GALNTL6: variants seen among roughly 807,000 people sequenced by gnomAD.
GALNTL6 encodes the protein polypeptide N-acetylgalactosaminyltransferase like 6.
In GALNTL6, 46 loss-of-function variants were observed where a neutral mutation model predicts 73.7. The observed-to-expected ratio is 0.62, with a 90% CI of 0.49 to 0.80. The LOEUF is 0.80. GALNTL6 is among the 30% of genes least tolerant of loss of function. The pLI, the probability that GALNTL6 is intolerant of heterozygous loss-of-function variation, is 0.00. For synonymous variants in GALNTL6, 259 were observed against 263.7 expected, an observed-to-expected ratio of 0.98 and a Z score of 0.17; for missense variants, 604 against 755.0, an observed-to-expected ratio of 0.80 and a Z score of 2.34.
Position 172,077,535 on chromosome 4 carries a change from A to T in GALNTL6, c.139-152121A>T, listed in dbSNP as rs187115089. 7.0e-4 allele frequency among the ~76,000 whole-genome samples: 106 copies of T among 152,252 alleles called. 2 individuals are homozygous for T. The highest frequency in any genetic ancestry group is 1.9e-3 in the South Asian group (9 of 4,830). ...TTGAGAGAGATGATTTAGGGTATTT[A>T]ACAGAAGAAATTTCTAAGCAGCAAA... is the stretch of plus-strand genomic sequence containing the variant. On this transcript the variant is annotated intron_variant, in intron 2 of 12. Coordinates refer to ENST00000506823, the MANE Select transcript of GALNTL6 (RefSeq NM_001034845.3).
chr4:172,059,442 T>A (rs1731126243), intron 2 of GALNTL6, among the ~76,000 whole-genome samples: 1 of 152,162 alleles, frequency 6.6e-6, no homozygotes, highest in Admixed American at 6.5e-5. Flanking sequence ...AATCTCAAAA[T>A]GACACAGAGA....
At chr4:171,986,092 C>CGCCA (rs1448766033) in intron 2 of GALNTL6, among the ~76,000 whole-genome samples, 1 of 148,062 alleles carries the variant, frequency 6.8e-6, no homozygotes, top group African/African-American at 2.5e-5. Flanking sequence ...GTATCTTTGG[C>CGCCA]ACATATGATA....
At chr4:173,021,276 A>T (rs1214767003) in intron 11 of GALNTL6, among the ~76,000 whole-genome samples, 200 bp from the exon 12 acceptor site, 1 of 151,990 alleles carries the variant, frequency 6.6e-6, no homozygotes, top group Non-Finnish European at 1.5e-5. Context: ...GGCAGCCTGG[A>T]CCAAAAGTGC....
chr4:172,357,755 G>T (rs971692539), intron 5 of GALNTL6, among the ~76,000 whole-genome samples: 1 of 151,656 alleles, frequency 6.6e-6, no homozygotes. Flanking sequence ...GTTCTGTAAA[G>T]AACTGCTTAA....
Position 172,069,366 on chromosome 4 carries a change from T to A in GALNTL6, c.139-160290T>A, listed in dbSNP as rs560044897. On this transcript the variant is annotated intron_variant, in intron 2 of 12. Coordinates refer to ENST00000506823, the MANE Select transcript of GALNTL6 (RefSeq NM_001034845.3). ...ACAAATCAATTATAAATATATGTAG[T>A]GTGTATATATATGTGTGTGTACATA... Among the ~76,000 whole-genome samples, 10 of 98,148 alleles carry A rather than the reference T, an allele frequency of 1.0e-4. 4 individuals carry two copies. The highest frequency in any genetic ancestry group is 1.7e-4 in the Non-Finnish European group (8 of 45,756). 64.4% of individuals were successfully genotyped at this position (98,148 alleles called of 152,430 possible).
At chr4:172,887,007 C>A (rs1018952557) in intron 8 of GALNTL6, among the ~76,000 whole-genome samples, 4 of 152,060 alleles carry the variant, frequency 2.6e-5, no homozygotes, top group African/African-American at 9.7e-5. Flanking sequence ...TTGTAGTGAT[C>A]AGTGACTTTT....
At chr4:172,959,364 G>C (rs1436517149) in intron 10 of GALNTL6, among the ~76,000 whole-genome samples, 1 of 151,964 alleles carries the variant, frequency 6.6e-6, no homozygotes, top group Admixed American at 6.6e-5. Flanking sequence ...TGGGCAGGTG[G>C]GGATAACTAA....
intron 8 of GALNTL6, among the ~76,000 whole-genome samples, chr4:172,918,198 T>C (rs1579652527): frequency 6.6e-6 from 1 of 151,902 alleles, no homozygotes; most frequent in Non-Finnish European, 1.5e-5. Flanking sequence ...ATGAGAACAC[T>C]TGGACACAGA....
chr4:172,793,688 A>G (rs1740115625), intron 5 of GALNTL6, among the ~76,000 whole-genome samples: 1 of 152,184 alleles, frequency 6.6e-6, no homozygotes, highest in Admixed American at 6.5e-5. Context: ...TCTGCCCTTT[A>G]TCATTACTTG....
intron 5 of GALNTL6, among the ~76,000 whole-genome samples, chr4:172,758,270 C>T (rs1001218934): frequency 5.3e-5 from 8 of 152,182 alleles, no homozygotes; most frequent in African/African-American, 1.7e-4. Flanking sequence ...TGCGGTGGCT[C>T]ATGCCCATAA....
chr4:172,871,475 C>A (rs1045763902), intron 7 of GALNTL6, among the ~76,000 whole-genome samples: 110 of 151,938 alleles, frequency 7.2e-4, no homozygotes, highest in African/African-American at 2.5e-3. Flanking sequence ...TCTTTTTCCT[C>A]ACTAATAAAA....
intron 3 of GALNTL6, among the ~76,000 whole-genome samples, chr4:172,258,177 C>T (rs1280824323): frequency 6.6e-6 from 1 of 151,266 alleles, no homozygotes; most frequent in Admixed American, 6.6e-5. Flanking sequence ...CTACTTAGTA[C>T]ATCTTCATTG....
intron 2 of GALNTL6, among the ~76,000 whole-genome samples, chr4:171,992,959 T>G (rs1740382091): frequency 1.3e-5 from 2 of 151,342 alleles, no homozygotes; most frequent in Admixed American, 1.4e-4. Flanking sequence ...TTTTCCAAGC[T>G]CATGCTAAAT....
rs928082092 is a variant in GALNTL6, at chr4:172,652,393, G to A, written c.554-156968G>A. On this transcript the variant is annotated intron_variant, in intron 5 of 12. Transcript: ENST00000506823. ...ATTTGGAGTATATGTTGCATTAGTC[G>A]AAGCCAAAAGAACAGAACTATTTCC... Among the ~76,000 whole-genome samples the A allele has an allele frequency of 3.9e-5, 6 of 152,230 alleles. No homozygotes were observed. The East Asian group carries it at 9.7e-4, about 25-fold the overall frequency.
chr4:172,983,281 A>T (rs1179771426), intron 10 of GALNTL6, among the ~76,000 whole-genome samples: 1 of 152,182 alleles, frequency 6.6e-6, no homozygotes, highest in Non-Finnish European at 1.5e-5. Context: ...AGCCCTGCCG[A>T]CAGCTTGATT....
At chr4:171,945,568 G>A (rs778458037) in intron 2 of GALNTL6, among the ~76,000 whole-genome samples, 41 of 152,096 alleles carry the variant, frequency 2.7e-4, no homozygotes, top group Non-Finnish European at 5.7e-4. Flanking sequence ...TAGTACTGAT[G>A]TTAGTATTTT....
chr4:171,861,854 A>G (rs778089131), intron 2 of GALNTL6, among the ~76,000 whole-genome samples: 4 of 152,180 alleles, frequency 2.6e-5, no homozygotes. Context: ...AAAATCGCTT[A>G]TATTATTAAT....
chr4:172,499,520 T>C (rs762267704), intron 5 of GALNTL6, among the ~76,000 whole-genome samples: 6 of 152,120 alleles, frequency 3.9e-5, no homozygotes, highest in Non-Finnish European at 8.8e-5. Flanking sequence ...ACAAATAAGA[T>C]CCAGAGTTTC....
At chr4:172,379,773 A>G (rs1256302555) in intron 5 of GALNTL6, among the ~76,000 whole-genome samples, 1 of 152,200 alleles carries the variant, frequency 6.6e-6, no homozygotes, top group African/African-American at 2.4e-5. Flanking sequence ...GGAAATGAAT[A>G]AAAGCAGAGA....
Sources: gnomAD v4.1 joint callset for allele counts (sites outside exome capture counted in the v4.1 genomes callset) on GRCh38, gnomAD v4.1.1 for gene constraint, MANE v1.5 for transcripts, NCBI Gene and HGNC (gene_info 2026-07-23, HGNC 2026-07-21) for gene names.